Variants in SLC12A4 observed in about 807,000 individuals in gnomAD.
The protein encoded by SLC12A4 is electroneutral potassium-chloride cotransporter 1.
SLC12A4 carries 84 observed loss-of-function variants against 119.2 expected under a neutral mutation model. The observed-to-expected ratio is 0.70, with a 90% CI of 0.59 to 0.85. The LOEUF is 0.85. Among genes scored for constraint, SLC12A4 ranks in the 40% least tolerant of loss-of-function variants. The pLI is 0.00. For synonymous variants in SLC12A4, 599 were observed against 604.6 expected, an observed-to-expected ratio of 0.99 and a Z score of 0.14; for missense variants, 1,298 against 1,476.3, an observed-to-expected ratio of 0.88 and a Z score of 1.98.
chr16:67,943,665 G>T lies in SLC12A4; in HGVS notation c.*1175C>A, dbSNP rs527645619. ...GGGGCTTGGCCCAGAGTCTGGTGTGGCTGTGACTGACCACAGCTTGTGATG... is the reference window on the plus strand; with the variant it reads ...GGGGCTTGGCCCAGAGTCTGGTGTGTCTGTGACTGACCACAGCTTGTGATG... On this transcript the variant is annotated 3_prime_UTR_variant, in exon 24 of 24. Coordinates refer to ENST00000316341, the MANE Select transcript of SLC12A4 (RefSeq NM_005072.5). The surrounding 1 kb of genome is among the most constrained non-coding windows in gnomAD (Gnocchi z 4.6). 9.7e-5 allele frequency: 52 copies of T among 537,294 alleles called. No homozygotes were observed. The East Asian group carries it at 1.4e-3, about 15-fold the overall frequency. The allele number at this position is 537,294 out of a possible 1,614,324, so 33.3% of individuals were successfully genotyped here. A position where few individuals can be genotyped will look rare whatever the true frequency, so the allele number is the denominator to read the frequency against.
rs1211128489 is a variant in SLC12A4, at chr16:67,943,615, G to A, written c.*1225C>T. ...CTGGGCTGGGCATCTTGTCCTTGGT[G>A]GGTGGGGGCCAAGGAAGGAGTGGTG... On this transcript the variant is annotated 3_prime_UTR_variant, in exon 24 of 24. Transcript: ENST00000316341. This position sits in a 1 kb window ranked among gnomAD's most constrained non-coding sequence, Gnocchi z 4.6. 4 of 508,816 alleles carry A rather than the reference G, an allele frequency of 7.9e-6. No homozygotes were observed. The highest frequency in any genetic ancestry group is 1.4e-5 in the Non-Finnish European group (4 of 280,372). The allele number at this position is 508,816 out of a possible 1,614,324, so 31.5% of individuals were successfully genotyped here. A position where few individuals can be genotyped will look rare whatever the true frequency, so the allele number is the denominator to read the frequency against.
At chr16:67,963,962 C>T (rs1199794885) in intron 1 of SLC12A4, 2 of 1,551,508 alleles carry the variant, frequency 1.3e-6, no homozygotes, top group East Asian at 4.9e-5. Context: ...GTTCGGTGTC[C>T]TCAGGGACCG....
chr16:67,968,353 G>A (rs1433965020), intron 1 of SLC12A4, 86 bp downstream of exon 1: 16 of 1,253,502 alleles, frequency 1.3e-5, no homozygotes, highest in Non-Finnish European at 1.7e-5. Context: ...CAAGGTCCCG[G>A]GATAGGTGCG....
chr16:67,968,595 C>T lies in SLC12A4; in HGVS notation c.-42G>A. ...CGCCGCACCCGCCGTCCCAGCCGCC[C>T]GCCGCTGTCCCCGCCGCTGTCCCCG... On this transcript the variant is annotated 5_prime_UTR_variant, in exon 1 of 24. Coordinates refer to ENST00000316341, the MANE Select transcript of SLC12A4 (RefSeq NM_005072.5). The T allele has an allele frequency of 7.2e-7, 1 of 1,394,830 alleles. No individual in the cohort carries two copies. Among genetic ancestry groups the T allele is most frequent in the Non-Finnish European group, 9.4e-7 (1 of 1,064,064 alleles). 86.4% of individuals were successfully genotyped at this position (1,394,830 alleles called of 1,614,324 possible). A position where few individuals can be genotyped will look rare whatever the true frequency, so the allele number is the denominator to read the frequency against.
At chr16:67,961,525 C>G (rs1262714996) in intron 3 of SLC12A4, 50 bp downstream of exon 3, 1 of 1,598,728 alleles carries the variant, frequency 6.3e-7, no homozygotes, top group Non-Finnish European at 8.5e-7. Context: ...TTCCATGGTG[C>G]TGTGTCTGTC....
chr16:67,957,847 G>A (rs1471204534), intron 4 of SLC12A4, 51 bp from the exon 5 acceptor site: 2 of 1,614,090 alleles, frequency 1.2e-6, no homozygotes, highest in Non-Finnish European at 1.7e-6. Flanking sequence ...GGCTCTGTGG[G>A]GGCAGCCGTG....
Position 67,950,916 on chromosome 16 carries a change from G to T in SLC12A4, c.1396+46C>A. On this transcript the variant is annotated intron_variant, in intron 10 of 23. Coordinates refer to ENST00000316341, the MANE Select transcript of SLC12A4 (RefSeq NM_005072.5). The surrounding 1 kb of genome is among the most constrained non-coding windows in gnomAD (Gnocchi z 4.3). ...ACCTGGCAACGTACACAGGCCAAGCGCTTCCCGTCCTCTGCCCCACCTGCC... is the reference window on the plus strand; with the variant it reads ...ACCTGGCAACGTACACAGGCCAAGCTCTTCCCGTCCTCTGCCCCACCTGCC... 6.3e-7 allele frequency: 1 copy of T among 1,591,616 alleles called. No individual in the cohort carries two copies. Among genetic ancestry groups the T allele is most frequent in the Non-Finnish European group, 8.6e-7 (1 of 1,161,298 alleles).
rs990508910 is a variant in SLC12A4, at chr16:67,946,626, T to C, written c.2249A>G (p.Lys750Arg). The C allele has an allele frequency of 1.2e-6, 2 of 1,612,016 alleles. No homozygotes were observed. The highest frequency in any genetic ancestry group is 1.7e-6 in the Non-Finnish European group (2 of 1,179,062). Residue 750 changes from lysine (K) to arginine (R), a missense_variant, in exon 18 of 24, where the codon AAG becomes AGG. Physicochemically the swap from Lys to Arg is conservative, Grantham distance 26. Transcript: ENST00000316341. The stretch of plus-strand genomic sequence containing the variant: ...CACCTTCTCAATTTCCATCATGTTC[T>C]TGATGGTCTGTGGGGAACACACCCA... ...GEAQAAEQTI[K>R]NMMEIEKVKG...
At chr16:67,957,294 C>T (rs935105904) in intron 5 of SLC12A4, among the ~76,000 whole-genome samples, 5 of 151,930 alleles carry the variant, frequency 3.3e-5, no homozygotes, top group Non-Finnish European at 5.9e-5. Context: ...CTCAGCCTCC[C>T]GAGTAGCTGG....
chr16:67,960,462 C>T (rs1266230652), intron 3 of SLC12A4, among the ~76,000 whole-genome samples: 1 of 152,014 alleles, frequency 6.6e-6, no homozygotes, highest in Non-Finnish European at 1.5e-5. Context: ...CCCTGAAGGG[C>T]AAGGTGAGAG....
In SLC12A4 at chr16:67,943,812, C is replaced by G; in HGVS notation, c.*1028G>C. On this transcript the variant is annotated 3_prime_UTR_variant, in exon 24 of 24. Coordinates refer to ENST00000316341, the MANE Select transcript of SLC12A4 (RefSeq NM_005072.5). The surrounding 1 kb of genome is among the most constrained non-coding windows in gnomAD (Gnocchi z 4.6). ...CCTCTAAGGGACAAGCTTTTGGCCC[C>G]TCCCCACACCAGGGCAGGTACTTAT... is the stretch of plus-strand genomic sequence containing the variant. 1.2e-6 allele frequency: 1 copy of G among 825,300 alleles called. No individual in the cohort carries two copies. Among genetic ancestry groups the G allele is most frequent in the Non-Finnish European group, 1.9e-6 (1 of 536,450 alleles). 51.1% of individuals were successfully genotyped at this position (825,300 alleles called of 1,614,324 possible). A position where few individuals can be genotyped will look rare whatever the true frequency, so the allele number is the denominator to read the frequency against.
rs1474004547 is a variant in SLC12A4 at position 67,963,726 on chromosome 16, CCAGGGATAGCCA to C, written c.116-179_116-168del. 2.6e-5 allele frequency among the ~76,000 whole-genome samples: 4 copies of C among 152,332 alleles called. No homozygotes were observed. In the East Asian group the frequency reaches 7.7e-4, roughly 29 times the overall value. On this transcript the variant is annotated intron_variant, in intron 1 of 23. Transcript: ENST00000316341. ...GCACCGTGCCAATGCTCTTGAAGGCCCAGGGATAGCCAGAGAGAGGCCAGTGACCAAAACCTG... is the reference window on the plus strand; with the variant it reads ...GCACCGTGCCAATGCTCTTGAAGGCCGAGAGAGGCCAGTGACCAAAACCTG...
chr16:67,958,173 G>T, intron 3 of SLC12A4, 129 bp from the exon 4 acceptor site: 2 of 851,056 alleles, frequency 2.4e-6, no homozygotes, highest in Non-Finnish European at 3.6e-6. Context: ...AGGGGTGACA[G>T]CTAGGATGTC....
intron 1 of SLC12A4, among the ~76,000 whole-genome samples, chr16:67,965,816 G>A (rs1307210443): frequency 6.6e-6 from 1 of 152,146 alleles, no homozygotes; most frequent in Non-Finnish European, 1.5e-5. Context: ...CAACATTCCA[G>A]TAGAGAGCAT....
intron 3 of SLC12A4, among the ~76,000 whole-genome samples, chr16:67,959,528 A>G (rs1267454054): frequency 6.6e-6 from 1 of 152,116 alleles, no homozygotes; most frequent in Non-Finnish European, 1.5e-5. Flanking sequence ...TGAGCGACCT[A>G]AAGGACTTCA....
intron 16 of SLC12A4, 81 bp from the exon 17 acceptor site, chr16:67,947,186 G>A (rs779764546): frequency 1.3e-5 from 20 of 1,518,408 alleles, no homozygotes; most frequent in Middle Eastern, 2.3e-4. Flanking sequence ...TTCTCGGGTC[G>A]TGGTCCCTGC....
At chr16:67,964,106 G>C (rs901715197) in intron 1 of SLC12A4, 136 of 1,518,330 alleles carry the variant, frequency 9.0e-5, no homozygotes, top group Non-Finnish European at 1.1e-4. Flanking sequence ...GGCATGCCGG[G>C]AGGTGGGGCA....
Position 67,947,481 on chromosome 16 carries a change from G to C in SLC12A4, c.1968-46C>G. On this transcript the variant is annotated intron_variant, in intron 15 of 23. Transcript: ENST00000316341. ...GGTGAGCCCCTGGTGCCGCCCAGGG[G>C]GTTCTGTCTATGTGGATGCGAGGTG... The C allele has an allele frequency of 1.9e-6, 3 of 1,586,804 alleles. No individual in the cohort carries two copies. In the African/African-American group the frequency reaches 4.0e-5, roughly 21 times the overall value.
At chr16:67,956,415 G>A (rs2151333103) in intron 5 of SLC12A4, among the ~76,000 whole-genome samples, 1 of 152,292 alleles carries the variant, frequency 6.6e-6, no homozygotes, top group South Asian at 2.1e-4. Flanking sequence ...GCAGGGTGCA[G>A]TGGCTCACAC....
Sources: allele counts gnomAD v4.1 joint callset (sites outside exome capture counted in the v4.1 genomes callset), GRCh38; gene constraint gnomAD v4.1.1; non-coding constraint Gnocchi (gnomAD v3.1); transcripts MANE v1.5; gene names NCBI Gene and HGNC (gene_info 2026-07-23, HGNC 2026-07-21).